The following TMEM234 variants were observed in gnomAD, a reference collection of about 807,000 sequenced individuals.
TMEM234 encodes the protein transmembrane protein 234, also known as chromosome 1 open reading frame 91.
In TMEM234, 21 loss-of-function variants were observed where a neutral mutation model predicts 17.8. That is an observed-to-expected ratio of 1.18 (90% CI 0.84 to 1.70). The LOEUF (loss-of-function observed/expected upper bound fraction) is 1.70. TMEM234 is among the 40% of genes most tolerant of loss of function. The probability of loss-of-function intolerance (pLI) is 0.00; values close to 1 mark genes in which losing one functional copy is unlikely to be tolerated. For synonymous variants in TMEM234, 83 were observed against 73.5 expected, an observed-to-expected ratio of 1.13 and a Z score of -0.66; for missense variants, 137 against 166.9, an observed-to-expected ratio of 0.82 and a Z score of 0.99.
intron 2 of TMEM234, among the ~76,000 whole-genome samples, 195 bp from the exon 3 acceptor site, chr1:32,221,392 C>T (rs1006129617): frequency 1.3e-5 from 2 of 152,058 alleles, no homozygotes; most frequent in African/African-American, 2.4e-5. Flanking sequence ...CTCAAACTAC[C>T]CTCTCCCTCA....
chr1:32,221,242 G>A (rs1638879224), intron 2 of TMEM234, 45 bp from the exon 3 acceptor site: 6 of 1,457,508 alleles, frequency 4.1e-6, no homozygotes, highest in Non-Finnish European at 5.8e-6. Context: ...GCCTGACTGA[G>A]CAGCACTGCC....
chr1:32,222,243 G>C, intron 1 of TMEM234, 64 bp downstream of exon 1: 34 of 1,527,288 alleles, frequency 2.2e-5, no homozygotes, highest in Non-Finnish European at 2.9e-5. Flanking sequence ...GGTGGATGTG[G>C]AGCAGGAAAT....
At chr1:32,219,162 G>A (rs560304920) in intron 3 of TMEM234, among the ~76,000 whole-genome samples, 24 of 149,940 alleles carry the variant, frequency 1.6e-4, no homozygotes, top group Non-Finnish European at 2.2e-4. Flanking sequence ...ACCAATGGAC[G>A]AATCAGCTGA....
intron 1 of TMEM234, 23 bp downstream of exon 1, chr1:32,222,284 G>A: frequency 6.5e-7 from 1 of 1,542,512 alleles, no homozygotes; most frequent in Non-Finnish European, 8.7e-7. Flanking sequence ...GAAATCCATG[G>A]AAGGGCGGGG....
Position 32,216,895 on chromosome 1 carries a change from T to C in TMEM234, c.381A>G (p.Thr127=). Residue 127 remains threonine, a synonymous_variant, in exon 5 of 5, where the codon ACA becomes ACG. Coordinates refer to ENST00000309777, the MANE Select transcript of TMEM234 (RefSeq NM_019118.5). ...LTVIGISLCI[T]SSVSKTQGQQ... is the part of the protein sequence containing the mutation. ...GCCCCTGGGTCTTACTCACTGAGCT[T>C]GTGATGCAGAGTGAAATTCCTATCA... 6.2e-7 allele frequency: 1 copy of C among 1,614,190 alleles called. No individual in the cohort carries two copies. The highest frequency in any genetic ancestry group is 8.5e-7 in the Non-Finnish European group (1 of 1,180,040).
rs1638415449 is a variant in TMEM234 at position 32,216,684 on chromosome 1, CTT to C, written c.*167_*168del. On this transcript the variant is annotated 3_prime_UTR_variant, in exon 5 of 5. Coordinates refer to ENST00000309777, the MANE Select transcript of TMEM234 (RefSeq NM_019118.5). ...AACAGCACTTGAAGGTTACAAAACT[CTT>C]TCACTCTTGTTCTCTTATTGTGATC... 2.7e-6 allele frequency: 4 copies of C among 1,493,982 alleles called. No homozygotes were observed. The highest frequency in any genetic ancestry group is 3.6e-6 in the Non-Finnish European group (4 of 1,117,428). The allele number at this position is 1,493,982 out of a possible 1,614,324, so 92.5% of individuals were successfully genotyped here. A position where few individuals can be genotyped will look rare whatever the true frequency, so the allele number is the denominator to read the frequency against.
rs370608258 is a variant in TMEM234 at position 32,217,244 on chromosome 1, A to G, written c.328+15T>C. The G allele has an allele frequency of 3.1e-6, 5 of 1,614,106 alleles. No individual in the cohort carries two copies. In the African/African-American group the frequency reaches 5.3e-5, roughly 17 times the overall value. On this transcript the variant is annotated intron_variant, in intron 4 of 4. Transcript: ENST00000309777. ...CCACAGAGCTGCGTCCCGCACTCGC[A>G]GTAGTCTAACTTACGTTTTCCACCA...
chr1:32,216,987 C>T (rs1191599733), intron 4 of TMEM234, 40 bp from the exon 5 acceptor site: 5 of 1,613,486 alleles, frequency 3.1e-6, no homozygotes, highest in South Asian at 1.1e-5. Context: ...CTGAGCTCAG[C>T]CATGCCAGTA....
downstream of TMEM234, chr1:32,215,519 TCAGA>T (rs1306728362): frequency 2.5e-6 from 4 of 1,613,666 alleles, no homozygotes; most frequent in Middle Eastern, 3.3e-4. Flanking sequence ...ATGAAGACAC[TCAGA>T]CAGAGGAGCC....
intron 3 of TMEM234, chr1:32,217,600 G>A (rs1309293632): frequency 1.3e-6 from 1 of 780,286 alleles, no homozygotes; most frequent in Admixed American, 2.1e-5. Context: ...TGAGAATGAG[G>A]TCTTTGCACT....
rs528320515 is a variant in TMEM234 at position 32,221,931 on chromosome 1, ACCCGCTGCAGGCCGGCGGAGG to A, written c.83_103del (p.Ala28_Arg34del). 3.4e-4 allele frequency: 553 copies of A among 1,613,080 alleles called. 6 individuals are homozygous for A. In the East Asian group the frequency reaches 0.012, roughly 35 times the overall value. ...CTGCTGGGCCCAGGTCGGCTCATGA[ACCCGCTGCAGGCCGGCGGAGG>A]CCCGCTTCAGCAGCGGCTGCGTGCC... is the stretch of plus-strand genomic sequence containing the variant. On this transcript the variant is annotated inframe_deletion, in exon 2 of 5. Coordinates refer to ENST00000309777, the MANE Select transcript of TMEM234 (RefSeq NM_019118.5).
In TMEM234 at chr1:32,216,376, C is replaced by G; in HGVS notation, c.*477G>C. On this transcript the variant is annotated 3_prime_UTR_variant, in exon 5 of 5. Transcript: ENST00000309777. ...AGCTCATTTCCTGCATCTGCCACTCCGACGCACCTTCTTCCCTCGGTTCCA... is the reference window on the plus strand; with the variant it reads ...AGCTCATTTCCTGCATCTGCCACTCGGACGCACCTTCTTCCCTCGGTTCCA... 1 of 1,550,606 alleles carries G rather than the reference C, an allele frequency of 6.4e-7. No individual in the cohort carries two copies. The highest frequency in any genetic ancestry group is 8.7e-7 in the Non-Finnish European group (1 of 1,146,436).
At chr1:32,218,286 C>G (rs949762585) in intron 3 of TMEM234, among the ~76,000 whole-genome samples, 1 of 151,240 alleles carries the variant, frequency 6.6e-6, no homozygotes, top group Non-Finnish European at 1.5e-5. Context: ...ATTAGCCAGG[C>G]ATAGTGGCGG....
chr1:32,219,820 A>G (rs1012350997), intron 3 of TMEM234, among the ~76,000 whole-genome samples: 7 of 152,148 alleles, frequency 4.6e-5, no homozygotes, highest in African/African-American at 9.7e-5. Flanking sequence ...TTCCCTTGCA[A>G]TCTTGGTTAG....
chr1:32,216,666 C>T lies in TMEM234; in HGVS notation c.*187G>A. 6.7e-7 allele frequency: 1 copy of T among 1,500,314 alleles called. No individual in the cohort carries two copies. Among genetic ancestry groups the T allele is most frequent in the Non-Finnish European group, 8.9e-7 (1 of 1,119,980 alleles). 92.9% of individuals were successfully genotyped at this position (1,500,314 alleles called of 1,614,324 possible). On this transcript the variant is annotated 3_prime_UTR_variant, in exon 5 of 5. Transcript: ENST00000309777. ...GCTAAATCCCCGCAGCTGAACAGCACTTGAAGGTTACAAAACTCTTTCACT... is the reference window on the plus strand; with the variant it reads ...GCTAAATCCCCGCAGCTGAACAGCATTTGAAGGTTACAAAACTCTTTCACT...
chr1:32,218,622 G>C (rs929309612), intron 3 of TMEM234, among the ~76,000 whole-genome samples: 1 of 151,902 alleles, frequency 6.6e-6, no homozygotes, highest in African/African-American at 2.4e-5. Flanking sequence ...GACCAACATG[G>C]AGAAACCCCG....
At chr1:32,214,910 C>A (rs1390128659), downstream of TMEM234, 1 of 1,614,004 alleles carries the variant, frequency 6.2e-7, no homozygotes, top group East Asian at 2.2e-5. Flanking sequence ...GAAGCAAGCT[C>A]CCCACACTCT....
chr1:32,215,949 G>T, downstream of TMEM234: 1 of 1,430,412 alleles, frequency 7.0e-7, no homozygotes, highest in Non-Finnish European at 9.6e-7. Context: ...GCCACCTTTT[G>T]TCCTTAGCCT....
chr1:32,214,882 A>G (rs202017082), downstream of TMEM234: 18 of 1,613,988 alleles, frequency 1.1e-5, no homozygotes, highest in African/African-American at 2.0e-4. Flanking sequence ...GCCAGACCCC[A>G]GCAGACCATT....
Sources: allele counts gnomAD v4.1 joint callset (sites outside exome capture counted in the v4.1 genomes callset), GRCh38; gene constraint gnomAD v4.1.1; transcripts MANE v1.5; gene names NCBI Gene and HGNC (gene_info 2026-07-23, HGNC 2026-07-21).